Variants in CCDC180 observed in about 807,000 individuals in gnomAD.
CCDC180 encodes coiled-coil domain-containing protein 180.
In CCDC180, 154 loss-of-function variants were observed where a neutral mutation model predicts 209.2. The ratio of observed to expected loss-of-function variants is 0.74; its 90% confidence interval spans 0.65 to 0.84. CCDC180 has a LOEUF of 0.84. Among genes scored for constraint, CCDC180 ranks in the 40% least tolerant of loss-of-function variants. The pLI is 0.00. For synonymous variants in CCDC180, 778 were observed against 749.1 expected (o/e 1.04, Z -0.63); for missense variants, 1,874 against 1,997.3 (o/e 0.94, Z 1.18).
rs1390520915 is a variant in CCDC180 at position 97,312,103 on chromosome 9, T to C, written c.261-10T>C. 1 of 1,612,866 alleles carries C rather than the reference T, an allele frequency of 6.2e-7. No homozygotes were observed. Among genetic ancestry groups the C allele is most frequent in the Non-Finnish European group, 8.5e-7 (1 of 1,179,060 alleles). The stretch of plus-strand genomic sequence containing the variant: ...AGCTGGGACTTCACTCTTCTCTGCT[T>C]GTGTCTCAGGGAAAAGGAAAGAGCC... On this transcript the variant is annotated splice_polypyrimidine_tract_variant and intron_variant, in intron 3 of 36. Transcript: ENST00000529487.
Position 97,320,176 on chromosome 9 carries a change from C to G in CCDC180, c.1130C>G (p.Ser377Cys), listed in dbSNP as rs1367921466. The change falls in exon 11 of 37, where the codon TCT becomes TGT. Residue 377 changes from serine (S) to cysteine (C), a missense_variant. Coordinates refer to ENST00000529487, the MANE Select transcript of CCDC180 (RefSeq NM_020893.6). ...YSKTQLTEWH[S>C]SLNSLNKELD... ...AAAACTCAGCTGACTGAGTGGCATT[C>G]TTCCCTCAACTCCCTGAACAAGGAG... The G allele has an allele frequency of 6.2e-7, 1 of 1,614,180 alleles. No individual in the cohort carries two copies.
intron 18 of CCDC180, among the ~76,000 whole-genome samples, chr9:97,338,005 G>A (rs1483964051): frequency 6.6e-6 from 1 of 152,118 alleles, no homozygotes; most frequent in Admixed American, 6.6e-5. Context: ...GGGATAGGTG[G>A]TGATATCCCC....
rs1477346346 is a variant in CCDC180 at position 97,363,996 on chromosome 9, C to A, written c.3903-55C>A. ...CAGGCAGGGATCCTGCAGGCTCAGACCTGCCTTGCGTCTGTCCACAGCCTC... is the reference window on the plus strand; with the variant it reads ...CAGGCAGGGATCCTGCAGGCTCAGAACTGCCTTGCGTCTGTCCACAGCCTC... On this transcript the variant is annotated intron_variant, in intron 28 of 36. Coordinates refer to ENST00000529487, the MANE Select transcript of CCDC180 (RefSeq NM_020893.6). The A allele has an allele frequency of 3.2e-6, 5 of 1,555,926 alleles. No homozygotes were observed. The South Asian group carries it at 5.6e-5, about 17-fold the overall frequency.
In CCDC180 at chr9:97,365,756, A is replaced by G. The variant is rs1223123066; in HGVS notation, c.4047+17A>G. 5 of 1,612,642 alleles carry G rather than the reference A, an allele frequency of 3.1e-6. No homozygotes were observed. The highest frequency in any genetic ancestry group is 1.7e-5 in the Admixed American group (1 of 59,988). On this transcript the variant is annotated intron_variant, in intron 30 of 36. Coordinates refer to ENST00000529487, the MANE Select transcript of CCDC180 (RefSeq NM_020893.6). The stretch of plus-strand genomic sequence containing the variant: ...GTCGCAGAGGTGAGGACCACCACCC[A>G]TGGCCTGTGCCTGCCCTGGAAACCA...
At chr9:97,332,561 T>G (rs775428384) in intron 18 of CCDC180, among the ~76,000 whole-genome samples, 2 of 152,206 alleles carry the variant, frequency 1.3e-5, no homozygotes, top group Non-Finnish European at 2.9e-5. Context: ...GAGCAGTGTT[T>G]TGTAATTCTC....
chr9:97,362,017 C>T, intron 27 of CCDC180, 119 bp downstream of exon 27: 1 of 1,380,424 alleles, frequency 7.2e-7, no homozygotes, highest in African/African-American at 1.5e-5. Flanking sequence ...CCCCTGAGAG[C>T]CTGTGACCTC....
chr9:97,376,767 A>G lies in CCDC180; in HGVS notation c.4847A>G (p.Tyr1616Cys), dbSNP rs1163971310. The G allele has an allele frequency of 6.2e-7, 1 of 1,612,882 alleles. No homozygotes were observed. The highest frequency in any genetic ancestry group is 8.5e-7 in the Non-Finnish European group (1 of 1,179,706). ...VEARDAVYLK[Y>C]LASFEEELKR... ...CTCCTGCTACCTTCCTTCTAGAAAT[A>G]TTTAGCATCATTTGAGGAGGAGCTA... Residue 1616 changes from tyrosine to cysteine, a missense_variant, in exon 37 of 37, where the codon TAT becomes TGT. Tyr to Cys is a radical substitution (Grantham distance 194). Transcript: ENST00000529487.
rs562839966 is a variant in CCDC180, at chr9:97,337,272, C to T, written c.2275-6068C>T. 2.6e-5 allele frequency among the ~76,000 whole-genome samples: 4 copies of T among 152,296 alleles called. No individual in the cohort carries two copies. The East Asian group carries it at 7.7e-4, about 29-fold the overall frequency. On this transcript the variant is annotated intron_variant, in intron 18 of 36. Coordinates refer to ENST00000529487, the MANE Select transcript of CCDC180 (RefSeq NM_020893.6). ...TCAAAGGGAATGCTTCCAGTTTTTGCCCATTCAGTATGATACTGGCTGTGG... is the reference window on the plus strand; with the variant it reads ...TCAAAGGGAATGCTTCCAGTTTTTGTCCATTCAGTATGATACTGGCTGTGG...
Position 97,357,696 on chromosome 9 carries a change from A to G in CCDC180, c.3334A>G (p.Thr1112Ala), listed in dbSNP as rs995811196. 1.9e-6 allele frequency: 3 copies of G among 1,613,256 alleles called. No individual in the cohort carries two copies. The highest frequency in any genetic ancestry group is 2.5e-6 in the Non-Finnish European group (3 of 1,179,630). ...GCAACAGCTTCAGAACAAGATAAAAACTTGTCAAGAGTCCAGGGGAGAGAA... is the reference window on the plus strand; with the variant it reads ...GCAACAGCTTCAGAACAAGATAAAAGCTTGTCAAGAGTCCAGGGGAGAGAA... ...SLQQLQNKIK[T>A]CQESRGEKTT... is the part of the protein sequence containing the mutation. Residue 1112 changes from threonine to alanine, a missense_variant, in exon 25 of 37, where the codon ACT becomes GCT. Physicochemically the swap from Thr to Ala is moderately conservative, Grantham distance 58. Coordinates refer to ENST00000529487, the MANE Select transcript of CCDC180 (RefSeq NM_020893.6).
At position 97,361,753 on chromosome 9, in the gene CCDC180, G is replaced by C. The variant is rs1253811341; in HGVS notation, c.3511G>C (p.Asp1171His). The change falls in exon 27 of 37, where the codon GAC becomes CAC. Residue 1171 changes from aspartate to histidine, a missense_variant. By Grantham distance (81) the Asp-to-His change is moderately conservative. Coordinates refer to ENST00000529487, the MANE Select transcript of CCDC180 (RefSeq NM_020893.6). ...CACCATCCTGAAGGACCAGGAGGAA[G>C]ACAGTGACATCCTGACATCTTCAGA... ...TNTILKDQEE[D>H]SDILTSSEAL... The C allele has an allele frequency of 1.9e-6, 3 of 1,614,152 alleles. No homozygotes were observed. Among genetic ancestry groups the C allele is most frequent in the Non-Finnish European group, 2.5e-6 (3 of 1,180,028 alleles).
intron 18 of CCDC180, 122 bp from the exon 19 acceptor site, chr9:97,343,218 A>T: frequency 1.7e-6 from 1 of 597,704 alleles, no homozygotes; most frequent in Non-Finnish European, 2.9e-6. Flanking sequence ...CCTAGGCAAG[A>T]TTCGGCCCAT....
At chr9:97,360,898 C>T (rs1378363553) in intron 26 of CCDC180, among the ~76,000 whole-genome samples, 1 of 152,212 alleles carries the variant, frequency 6.6e-6, no homozygotes, top group Non-Finnish European at 1.5e-5. Context: ...GCCTGACAGC[C>T]AATGTCTGCA....
chr9:97,347,668 T>C (rs1587817978), intron 20 of CCDC180, 179 bp downstream of exon 20: 1 of 590,480 alleles, frequency 1.7e-6, no homozygotes, highest in African/African-American at 1.9e-5. Context: ...CAGAAAAAGG[T>C]AGTACTCCAA....
intron 19 of CCDC180, chr9:97,345,661 G>C: frequency 2.5e-6 from 1 of 398,372 alleles, no homozygotes; most frequent in South Asian, 1.8e-5. Flanking sequence ...TGAAGCAGGA[G>C]AATCGCCTGA....
chr9:97,370,514 C>A, intron 32 of CCDC180, 127 bp from the exon 33 acceptor site: 1 of 1,071,892 alleles, frequency 9.3e-7, no homozygotes, highest in South Asian at 1.5e-5. Flanking sequence ...CTTCTGCCCA[C>A]CCATCACCCC....
At chr9:97,336,529 T>C (rs968413547) in intron 18 of CCDC180, among the ~76,000 whole-genome samples, 3 of 152,198 alleles carry the variant, frequency 2.0e-5, no homozygotes, top group Non-Finnish European at 4.4e-5. Flanking sequence ...TGTATCTCTG[T>C]TTTAGTACCA....
At chr9:97,349,080 CG>C in intron 20 of CCDC180, 30 bp from the exon 21 acceptor site, 1 of 1,523,498 alleles carries the variant, frequency 6.6e-7, no homozygotes, top group Non-Finnish European at 8.8e-7. Flanking sequence ...ATCGGGTCCC[CG>C]GGGCCCCAGC....
rs1466159037 is a variant in CCDC180, at chr9:97,330,060, T to C, written c.1789-94T>C. The C allele has an allele frequency of 2.6e-5, 25 of 949,336 alleles. No homozygotes were observed. The African/African-American group carries it at 3.2e-4, about 12-fold the overall frequency. The allele number at this position is 949,336 out of a possible 1,614,324, so 58.8% of individuals were successfully genotyped here. On this transcript the variant is annotated intron_variant, in intron 16 of 36. Coordinates refer to ENST00000529487, the MANE Select transcript of CCDC180 (RefSeq NM_020893.6). ...TCCAGCCTTGGCAACAGAGCCAGACTCCTCTCAAAAAAAAAAAAAAAAAAA... is the reference window on the plus strand; with the variant it reads ...TCCAGCCTTGGCAACAGAGCCAGACCCCTCTCAAAAAAAAAAAAAAAAAAA...
In CCDC180 at chr9:97,325,099, G is replaced by A. The variant is rs1833488103; in HGVS notation, c.1452G>A (p.Leu484=). 1 of 1,613,994 alleles carries A rather than the reference G, an allele frequency of 6.2e-7. No homozygotes were observed. The highest frequency in any genetic ancestry group is 8.5e-7 in the Non-Finnish European group (1 of 1,179,994). The change falls in exon 14 of 37, where the codon CTG becomes CTA. Residue 484 remains leucine, a synonymous_variant. Transcript: ENST00000529487. ...AGTATTTCCAGGAGGTGGTACAACT[G>A]TGGGAGGCACACCAGAGCGAGCTGT... The part of the protein sequence containing the change: ...LFKYFQEVVQ[L]WEAHQSELLV...
Sources: allele counts gnomAD v4.1 joint callset (sites outside exome capture counted in the v4.1 genomes callset), GRCh38; gene constraint gnomAD v4.1.1; transcripts MANE v1.5; gene names NCBI Gene and HGNC (gene_info 2026-07-23, HGNC 2026-07-21).